The following PPARGC1A variants were observed in gnomAD, a reference collection of about 807,000 sequenced individuals.
The protein encoded by PPARGC1A is PPARG coactivator 1 alpha.
Under a neutral mutation model 88.7 loss-of-function variants are expected in PPARGC1A, and 25 were observed. The observed-to-expected ratio is 0.28, with a 90% confidence interval of 0.21 to 0.39. The LOEUF (loss-of-function observed/expected upper bound fraction) is 0.39, where lower values mean the gene tolerates loss of function less well. Among genes scored for constraint, PPARGC1A ranks in the 10% least tolerant of loss-of-function variants. The probability of loss-of-function intolerance (pLI) is 1.00; values close to 1 mark genes in which losing one functional copy is unlikely to be tolerated. For synonymous variants in PPARGC1A, 363 were observed against 355.6 expected (o/e 1.02, Z -0.24); for missense variants, 880 against 968.7 (o/e 0.91, Z 1.22).
chr4:23,941,485 A>G, the PPARGC1A span, among the ~76,000 whole-genome samples: 48,446 of 152,090 alleles, frequency 0.32, 8,095 homozygotes, highest in East Asian at 0.43. Flanking sequence ...CCACTGATAT[A>G]AACAAAGAAT....
chr4:24,214,624 T>A, the PPARGC1A span, among the ~76,000 whole-genome samples: 1 of 152,170 alleles, frequency 6.6e-6, no homozygotes, highest in South Asian at 2.1e-4. Flanking sequence ...GCACTTGCTC[T>A]CTTGACTAGA....
At chr4:24,120,456 AT>A in the PPARGC1A span, among the ~76,000 whole-genome samples, 1 of 152,222 alleles carries the variant, frequency 6.6e-6, no homozygotes. Context: ...TACATGCAAT[AT>A]CTCGTTTAAC....
the PPARGC1A span, among the ~76,000 whole-genome samples, chr4:24,238,122 A>G: frequency 6.6e-6 from 1 of 152,112 alleles, no homozygotes; most frequent in East Asian, 1.9e-4. Context: ...TAGTGGTTAG[A>G]GGTAAGGTTC....
chr4:24,325,138 T>C, the PPARGC1A span, among the ~76,000 whole-genome samples: 2 of 152,108 alleles, frequency 1.3e-5, no homozygotes, highest in African/African-American at 4.8e-5. Context: ...TCATCAAATA[T>C]AAAAACCCAG....
the PPARGC1A span, among the ~76,000 whole-genome samples, chr4:24,336,891 A>C: frequency 6.6e-6 from 1 of 152,286 alleles, no homozygotes; most frequent in Non-Finnish European, 1.5e-5. Flanking sequence ...AGCAAGATCC[A>C]CCCATCTCTA....
chr4:24,392,876 T>A, the PPARGC1A span, among the ~76,000 whole-genome samples: 23 of 152,142 alleles, frequency 1.5e-4, no homozygotes, highest in Non-Finnish European at 1.5e-5. Context: ...AAACTGCAAG[T>A]ATTTTATTTA....
At chr4:23,850,820 C>A (rs1729150756) in intron 2 of PPARGC1A, among the ~76,000 whole-genome samples, 1 of 152,168 alleles carries the variant, frequency 6.6e-6, no homozygotes, top group Non-Finnish European at 1.5e-5. Flanking sequence ...GTTACTTAAA[C>A]ATGTGTCTGA....
At chr4:24,412,583 C>T in the PPARGC1A span, among the ~76,000 whole-genome samples, 419 of 152,240 alleles carry the variant, frequency 2.8e-3, 1 homozygote, top group African/African-American at 9.6e-3. Context: ...CGGGTTCAAG[C>T]GATTCTCCTG....
the PPARGC1A span, among the ~76,000 whole-genome samples, chr4:24,017,812 G>C: frequency 6.6e-6 from 1 of 152,150 alleles, no homozygotes; most frequent in Non-Finnish European, 1.5e-5. Context: ...AATGGCAAAA[G>C]TGTCTAAGGA....
chr4:24,204,831 G>GT, the PPARGC1A span, among the ~76,000 whole-genome samples: 1 of 151,994 alleles, frequency 6.6e-6, no homozygotes, highest in Admixed American at 6.6e-5. Context: ...TGGTTGTTTG[G>GT]TTTTTTGTTT....
the PPARGC1A span, among the ~76,000 whole-genome samples, chr4:24,214,327 A>G: frequency 6.6e-6 from 1 of 152,238 alleles, no homozygotes; most frequent in Non-Finnish European, 1.5e-5. Context: ...CCTGGAAACA[A>G]CAGCAGTATT....
the PPARGC1A span, among the ~76,000 whole-genome samples, chr4:24,130,765 A>G: frequency 1.3e-5 from 2 of 152,100 alleles, no homozygotes; most frequent in Non-Finnish European, 2.9e-5. Context: ...AAAAGAAATT[A>G]ACCCATGCCA....
chr4:23,958,052 G>C, the PPARGC1A span, among the ~76,000 whole-genome samples: 1 of 152,040 alleles, frequency 6.6e-6, no homozygotes, highest in Non-Finnish European at 1.5e-5. Context: ...GAAAACTGGA[G>C]AGAGATGAAA....
chr4:24,296,413 T>C, the PPARGC1A span, among the ~76,000 whole-genome samples: 5 of 152,274 alleles, frequency 3.3e-5, no homozygotes, highest in African/African-American at 4.8e-5. Flanking sequence ...TCTCCTATTT[T>C]ATGTTGCAAC....
the PPARGC1A span, among the ~76,000 whole-genome samples, chr4:24,086,174 C>A: frequency 6.6e-6 from 1 of 152,124 alleles, no homozygotes; most frequent in Non-Finnish European, 1.5e-5. Context: ...TTATTATCCA[C>A]CCCATCATCA....
the PPARGC1A span, among the ~76,000 whole-genome samples, chr4:24,215,439 G>A: frequency 6.6e-6 from 1 of 152,008 alleles, no homozygotes; most frequent in Non-Finnish European, 1.5e-5. Context: ...TTTTCGGAGA[G>A]AGAAAAAAAA....
At chr4:24,102,670 T>G in the PPARGC1A span, among the ~76,000 whole-genome samples, 17 of 152,206 alleles carry the variant, frequency 1.1e-4, no homozygotes, top group African/African-American at 3.9e-4. Context: ...ATCCGGGAAC[T>G]TTTGATTTCC....
the PPARGC1A span, among the ~76,000 whole-genome samples, chr4:24,394,988 T>C: frequency 6.6e-6 from 1 of 152,246 alleles, no homozygotes; most frequent in Non-Finnish European, 1.5e-5. Flanking sequence ...CTGATATAAC[T>C]AGAGCTATAA....
At chr4:24,418,494 T>C in the PPARGC1A span, among the ~76,000 whole-genome samples, 1 of 152,178 alleles carries the variant, frequency 6.6e-6, no homozygotes, top group African/African-American at 2.4e-5. Context: ...TCTCTTTGCC[T>C]TTATGTTCCA....
Sources: gnomAD v4.1 joint callset for allele counts (sites outside exome capture counted in the v4.1 genomes callset) on GRCh38, gnomAD v4.1.1 for gene constraint, MANE v1.5 for transcripts, NCBI Gene and HGNC (gene_info 2026-07-23, HGNC 2026-07-21) for gene names.